TSPEAR: variants seen among roughly 807,000 people sequenced by gnomAD.
TSPEAR encodes thrombospondin-type laminin G domain and EAR repeat-containing protein.
A neutral mutation model predicts 71.6 loss-of-function variants in TSPEAR; 69 were observed. The observed-to-expected ratio is 0.96, with a 90% CI of 0.79 to 1.18. The LOEUF (loss-of-function observed/expected upper bound fraction) is 1.18, where lower values mean the gene tolerates loss of function less well. TSPEAR is among the 50% of genes most tolerant of loss of function. TSPEAR has a pLI of 0.00. For synonymous variants in TSPEAR, 402 were observed against 387.2 expected (o/e 1.04, Z -0.45); for missense variants, 971 against 894.9 (o/e 1.09, Z -1.09).
chr21:44,507,734 C>G (rs2052236184), intron 10 of TSPEAR, among the ~76,000 whole-genome samples: 1 of 152,188 alleles, frequency 6.6e-6, no homozygotes, highest in Non-Finnish European at 1.5e-5. Flanking sequence ...TCCAACTTGT[C>G]TTATTCTAAA....
chr21:44,564,343 A>C (rs2053676142), intron 2 of TSPEAR, among the ~76,000 whole-genome samples: 1 of 152,236 alleles, frequency 6.6e-6, no homozygotes, highest in Non-Finnish European at 1.5e-5. Context: ...AGAGGCTGTC[A>C]GACTGGATTA....
At chr21:44,595,798 CAT>C (rs1299096387) in intron 1 of TSPEAR, among the ~76,000 whole-genome samples, 1 of 152,172 alleles carries the variant, frequency 6.6e-6, no homozygotes. Flanking sequence ...CCTCTGTACA[CAT>C]AAATTTTTAA....
At chr21:44,647,246 G>A (rs781873270) in intron 1 of TSPEAR, 8 of 1,604,432 alleles carry the variant, frequency 5.0e-6, no homozygotes, top group South Asian at 2.2e-5. Context: ...ACCTCCTCCT[G>A]CCAGTCCAGC....
chr21:44,503,866 C>T (rs1192507081), intron 11 of TSPEAR, among the ~76,000 whole-genome samples: 10 of 131,122 alleles, frequency 7.6e-5, no homozygotes, highest in South Asian at 5.0e-4. Context: ...GGGGGGAAGC[C>T]GGCCTTGGTG....
At chr21:44,691,599 C>G (rs1987127026) in intron 1 of TSPEAR, among the ~76,000 whole-genome samples, 1 of 152,146 alleles carries the variant, frequency 6.6e-6, no homozygotes, top group Non-Finnish European at 1.5e-5. Context: ...TGACAGAATT[C>G]AAGTGAGAAA....
intron 9 of TSPEAR, among the ~76,000 whole-genome samples, chr21:44,514,147 T>C (rs1555913062): frequency 1.3e-5 from 2 of 152,172 alleles, no homozygotes; most frequent in African/African-American, 4.8e-5. Context: ...GCCCAGCCCC[T>C]TCAGGCTGTC....
intron 1 of TSPEAR, chr21:44,627,483 C>T: frequency 6.5e-7 from 1 of 1,543,694 alleles, no homozygotes; most frequent in South Asian, 1.2e-5. Flanking sequence ...TGCCCGTCTG[C>T]TGCAAGCCTG....
At chr21:44,630,258 A>G (rs187199776) in intron 1 of TSPEAR, among the ~76,000 whole-genome samples, 1 of 152,316 alleles carries the variant, frequency 6.6e-6, no homozygotes, top group East Asian at 1.9e-4. Flanking sequence ...GGAGCACAGT[A>G]GTGACGGCTT....
At chr21:44,601,877 C>T (rs587614150) in intron 1 of TSPEAR, 1 of 1,163,986 alleles carries the variant, frequency 8.6e-7, no homozygotes, top group African/African-American at 1.6e-5. Flanking sequence ...GTGTGCGCTT[C>T]TCCTCCTAGA....
rs558948883 is a variant in TSPEAR at position 44,697,320 on chromosome 21, C to CAG, written c.82+14112_82+14113insCT. 9.9e-6 allele frequency: 16 copies of CAG among 1,612,820 alleles called. 1 individual carries two copies. Among genetic ancestry groups the CAG allele is most frequent in the African/African-American group, 9.4e-5 (7 of 74,486 alleles). On this transcript the variant is annotated intron_variant, in intron 1 of 11. Transcript: ENST00000323084. Reference sequence around the variant, plus strand: ...TGCCCAGAGAGCTGCTGTGAGCCCCCCTGCTGCGCCCCGGCCCCCTGCCTG... The same window carrying CAG: ...TGCCCAGAGAGCTGCTGTGAGCCCCCAGCTGCTGCGCCCCGGCCCCCTGCCTG...
chr21:44,553,969 A>G (rs1555919434), intron 2 of TSPEAR, among the ~76,000 whole-genome samples: 3 of 152,250 alleles, frequency 2.0e-5, no homozygotes. Flanking sequence ...ATGTATTTTC[A>G]CAAAAGCAAG....
intron 1 of TSPEAR, among the ~76,000 whole-genome samples, chr21:44,588,819 A>C (rs1193730284): frequency 3.3e-5 from 5 of 151,278 alleles, no homozygotes; most frequent in African/African-American, 7.3e-5. Context: ...ACTACTCAGT[A>C]ATAAAAAGAA....
At chr21:44,531,171 AGT>A in intron 3 of TSPEAR, 38 bp from the exon 4 acceptor site, 1 of 1,544,570 alleles carries the variant, frequency 6.5e-7, no homozygotes, top group Non-Finnish European at 8.9e-7. Context: ...GCCATAGGAG[AGT>A]GGTCACCCCA....
chr21:44,560,351 A>G (rs2053614160), intron 2 of TSPEAR, among the ~76,000 whole-genome samples: 2 of 152,228 alleles, frequency 1.3e-5, no homozygotes, highest in African/African-American at 4.8e-5. Context: ...TTAGAGACCT[A>G]CAAAGAGACT....
intron 2 of TSPEAR, among the ~76,000 whole-genome samples, chr21:44,553,821 A>T (rs2053484643): frequency 6.6e-6 from 1 of 152,232 alleles, no homozygotes; most frequent in Non-Finnish European, 1.5e-5. Flanking sequence ...GAACTGCCTC[A>T]GGCTGACCTC....
chr21:44,566,383 C>G (rs1253353873), intron 2 of TSPEAR, among the ~76,000 whole-genome samples: 1 of 152,088 alleles, frequency 6.6e-6, no homozygotes, highest in Admixed American at 6.5e-5. Flanking sequence ...ATCATACGTT[C>G]ATTAATCTGA....
rs587665055 is a variant in TSPEAR at position 44,647,214 on chromosome 21, C to T, written c.82+64219G>A. The T allele has an allele frequency of 5.0e-5, 80 of 1,613,498 alleles. 1 individual carries two copies. The South Asian group carries it at 7.6e-4, about 15-fold the overall frequency. On this transcript the variant is annotated intron_variant, in intron 1 of 11. Transcript: ENST00000323084. ...TGTGCAGGTCCACCTGCTGTGTGCC[C>T]GTCTCCTCCTGCTGTGCCCCCACCT...
intron 2 of TSPEAR, chr21:44,539,303 C>T (rs781968939): frequency 3.5e-4 from 562 of 1,608,852 alleles, no homozygotes; most frequent in Non-Finnish European, 4.4e-4. Context: ...GCAGAGGCCT[C>T]AGCAGGCCGG....
chr21:44,620,916 C>A (rs1429883983), intron 1 of TSPEAR, among the ~76,000 whole-genome samples: 1 of 152,080 alleles, frequency 6.6e-6, no homozygotes, highest in Admixed American at 6.5e-5. Context: ...CTCCTTTGAC[C>A]AATTGGTTGT....
Sources: gnomAD v4.1 joint callset for allele counts (sites outside exome capture counted in the v4.1 genomes callset) on GRCh38, gnomAD v4.1.1 for gene constraint, MANE v1.5 for transcripts, NCBI Gene and HGNC (gene_info 2026-07-23, HGNC 2026-07-21) for gene names.